BRIP1: variants seen among roughly 807,000 people sequenced by gnomAD.
The protein encoded by BRIP1 is Fanconi anemia group J protein.
BRIP1 carries 88 observed loss-of-function variants against 119.7 expected under a neutral mutation model. That is an observed-to-expected ratio of 0.74 (90% CI 0.62 to 0.88). The LOEUF is 0.88. Ranked by LOEUF, BRIP1 falls within the 40% of genes least tolerant of loss-of-function variation. The pLI is 0.00. For synonymous variants in BRIP1, 443 were observed against 496.5 expected (o/e 0.89, Z 1.43); for missense variants, 1,259 against 1,455.4 (o/e 0.87, Z 2.20).
In BRIP1 at chr17:61,713,636, C is replaced by T. The variant is rs543059736; in HGVS notation, c.2492+2315G>A. The stretch of plus-strand genomic sequence containing the variant: ...TCCCGGGTTCAAGTAATTCTCCTGC[C>T]CCAGCCTCCCAAGTAGCTGGGATTA... On this transcript the variant is annotated intron_variant, in intron 17 of 19. Transcript: ENST00000259008. This position sits in a 1 kb window ranked among gnomAD's most constrained non-coding sequence, Gnocchi z 4.9. Among the ~76,000 whole-genome samples the T allele has an allele frequency of 6.2e-4, 94 of 151,904 alleles. No individual in the cohort carries two copies. The highest frequency in any genetic ancestry group is 4.6e-3 in the South Asian group (22 of 4,800).
In BRIP1 at chr17:61,727,196, C is replaced by T. The variant is rs562108544; in HGVS notation, c.2380-11133G>A. Reference sequence around the variant, plus strand: ...TTGGATGCCAGAAGATGTAATATGACGCATAATGGCACTCAGGGAATTATA... The same window carrying T: ...TTGGATGCCAGAAGATGTAATATGATGCATAATGGCACTCAGGGAATTATA... On this transcript the variant is annotated intron_variant, in intron 16 of 19. Coordinates refer to ENST00000259008, the MANE Select transcript of BRIP1 (RefSeq NM_032043.3). Among the ~76,000 whole-genome samples, 12 of 152,170 alleles carry T rather than the reference C, an allele frequency of 7.9e-5. No individual in the cohort carries two copies. The South Asian group carries it at 1.2e-3, about 16-fold the overall frequency.
rs2145425899 is a variant in BRIP1, at chr17:61,808,827, G to A, written c.628-70C>T. 6.9e-7 allele frequency: 1 copy of A among 1,450,916 alleles called. No individual in the cohort carries two copies. The highest frequency in any genetic ancestry group is 9.5e-7 in the Non-Finnish European group (1 of 1,048,036). 89.9% of individuals were successfully genotyped at this position (1,450,916 alleles called of 1,614,324 possible). On this transcript the variant is annotated intron_variant, in intron 6 of 19. Transcript: ENST00000259008. The surrounding 1 kb of genome is among the most constrained non-coding windows in gnomAD (Gnocchi z 4.1). Reference sequence around the variant, plus strand: ...AAAAAACGTTATCAAACCTCACATGGAATCAGAACCTGTAAGTAATGAATC... The same window carrying A: ...AAAAAACGTTATCAAACCTCACATGAAATCAGAACCTGTAAGTAATGAATC...
rs149361526 is a variant in BRIP1, at chr17:61,836,347, C to T, written c.627+10754G>A. ...CCCAGGCTGATCTCAAACTCCTGGG[C>T]TCAAGTGATCCACCTACCTCAGCCT... On this transcript the variant is annotated intron_variant, in intron 6 of 19. Transcript: ENST00000259008. 5.5e-3 allele frequency among the ~76,000 whole-genome samples: 830 copies of T among 152,174 alleles called. 5 individuals are homozygous for T. Among genetic ancestry groups the T allele is most frequent in the African/African-American group, 0.019 (785 of 41,526 alleles).
chr17:61,814,457 A>G lies in BRIP1; in HGVS notation c.628-5700T>C, dbSNP rs1456675299. On this transcript the variant is annotated intron_variant, in intron 6 of 19. Transcript: ENST00000259008. The surrounding 1 kb of genome is among the most constrained non-coding windows in gnomAD (Gnocchi z 4.9). ...AAACCAAGAACAGGCAAATCACAGAAGAGAAAAGCTGAAAGGCTAATAAAT... is the reference window on the plus strand; with the variant it reads ...AAACCAAGAACAGGCAAATCACAGAGGAGAAAAGCTGAAAGGCTAATAAAT... 6.6e-6 allele frequency among the ~76,000 whole-genome samples: 1 copy of G among 152,106 alleles called. No homozygotes were observed. Among genetic ancestry groups the G allele is most frequent in the Non-Finnish European group, 1.5e-5 (1 of 67,940 alleles).
Position 61,691,817 on chromosome 17 carries a change from G to A in BRIP1, c.2575+1613C>T, listed in dbSNP as rs937327742. On this transcript the variant is annotated intron_variant, in intron 18 of 19. Transcript: ENST00000259008. The surrounding 1 kb of genome is among the most constrained non-coding windows in gnomAD (Gnocchi z 5.0). ...TAGGCAAAAGAACCTTGAGAAAAAT[G>A]ATAAAAGCTGCAGGCATCATACCTC... Among the ~76,000 whole-genome samples, 1 of 152,102 alleles carries A rather than the reference G, an allele frequency of 6.6e-6. No homozygotes were observed. The highest frequency in any genetic ancestry group is 2.4e-5 in the African/African-American group (1 of 41,402).
intron 11 of BRIP1, 27 bp from the exon 12 acceptor site, chr17:61,781,032 G>A (rs749665655): frequency 6.2e-7 from 1 of 1,611,612 alleles, no homozygotes; most frequent in Non-Finnish European, 8.5e-7. Flanking sequence ...TGCTAATTAA[G>A]TGGCAAAACT....
chr17:61,783,056 C>T (rs1193540173), intron 11 of BRIP1, among the ~76,000 whole-genome samples: 2 of 152,088 alleles, frequency 1.3e-5, no homozygotes, highest in African/African-American at 4.8e-5. Context: ...CTTATATACA[C>T]CCAGAAGAAC....
rs1400612907 is a variant in BRIP1 at position 61,844,309 on chromosome 17, G to A, written c.627+2792C>T. 6.6e-6 allele frequency among the ~76,000 whole-genome samples: 1 copy of A among 152,154 alleles called. No individual in the cohort carries two copies. The highest frequency in any genetic ancestry group is 2.4e-5 in the African/African-American group (1 of 41,428). On this transcript the variant is annotated intron_variant, in intron 6 of 19. Transcript: ENST00000259008. The surrounding 1 kb of genome is among the most constrained non-coding windows in gnomAD (Gnocchi z 4.7). ...AACCAATAAAAACAAAACAAGCCAG[G>A]TGCAGTGATTCATGCCTATAATCCC...
Position 61,794,965 on chromosome 17 carries a change from A to G in BRIP1, c.1341-1236T>C, listed in dbSNP as rs1603340781. On this transcript the variant is annotated intron_variant, in intron 9 of 19. Coordinates refer to ENST00000259008, the MANE Select transcript of BRIP1 (RefSeq NM_032043.3). The surrounding 1 kb of genome is among the most constrained non-coding windows in gnomAD (Gnocchi z 4.3). ...TGTTTGAGGATCTGAAAGAAAGCCAATATGATTTGCAGCACAATGGGCAAA... is the reference window on the plus strand; with the variant it reads ...TGTTTGAGGATCTGAAAGAAAGCCAGTATGATTTGCAGCACAATGGGCAAA... Among the ~76,000 whole-genome samples the G allele has an allele frequency of 6.6e-6, 1 of 152,040 alleles. No homozygotes were observed. Among genetic ancestry groups the G allele is most frequent in the Non-Finnish European group, 1.5e-5 (1 of 68,000 alleles).
intron 6 of BRIP1, among the ~76,000 whole-genome samples, chr17:61,826,924 T>C (rs1185868304): frequency 1.3e-5 from 2 of 152,118 alleles, no homozygotes; most frequent in African/African-American, 4.8e-5. Flanking sequence ...TTACTGGGTA[T>C]ATACCCAAAG....
Position 61,857,296 on chromosome 17 carries a change from G to T in BRIP1, c.206-65C>A. 7.1e-7 allele frequency: 1 copy of T among 1,417,020 alleles called. No individual in the cohort carries two copies. The highest frequency in any genetic ancestry group is 9.6e-7 in the Non-Finnish European group (1 of 1,037,442). The allele number at this position is 1,417,020 out of a possible 1,614,324, so 87.8% of individuals were successfully genotyped here. A position where few individuals can be genotyped will look rare whatever the true frequency, so the allele number is the denominator to read the frequency against. On this transcript the variant is annotated intron_variant, in intron 3 of 19. Coordinates refer to ENST00000259008, the MANE Select transcript of BRIP1 (RefSeq NM_032043.3). The surrounding 1 kb of genome is among the most constrained non-coding windows in gnomAD (Gnocchi z 5.1). ...AAATAAACATCAATCATTCTCTACA[G>T]CCCAGTTCACCCAGGATTGGGAGGT...
chr17:61,859,615 A>C lies in BRIP1; in HGVS notation c.205+181T>G, dbSNP rs143960654. ...TATGTTCAATACTATTTTAGCATTA[A>C]TTAAACATATTTTGCTATATTGAAA... On this transcript the variant is annotated intron_variant, in intron 3 of 19. Transcript: ENST00000259008. Among the ~76,000 whole-genome samples the C allele has an allele frequency of 1.1e-4, 17 of 152,372 alleles. No individual in the cohort carries two copies. The East Asian group carries it at 3.3e-3, about 29-fold the overall frequency.
At position 61,682,446 on chromosome 17, in the gene BRIP1, T is replaced by C; in HGVS notation, c.*850A>G. 4.9e-6 allele frequency: 1 copy of C among 204,314 alleles called. No individual in the cohort carries two copies. The highest frequency in any genetic ancestry group is 1.0e-5 in the Non-Finnish European group (1 of 99,792). The allele number at this position is 204,314 out of a possible 1,614,324, so 12.7% of individuals were successfully genotyped here. A position where few individuals can be genotyped will look rare whatever the true frequency, so the allele number is the denominator to read the frequency against. ...TTGGCATTTTATATCTTTACGTCAA[T>C]TTGTTTATGACATGTTTGGTTTTAG... is the stretch of plus-strand genomic sequence containing the variant. On this transcript the variant is annotated 3_prime_UTR_variant, in exon 20 of 20. Coordinates refer to ENST00000259008, the MANE Select transcript of BRIP1 (RefSeq NM_032043.3). The surrounding 1 kb of genome is among the most constrained non-coding windows in gnomAD (Gnocchi z 4.9).
At chr17:61,721,267 C>CTTTTT (rs11326516) in intron 16 of BRIP1, among the ~76,000 whole-genome samples, 5 of 114,176 alleles carry the variant, frequency 4.4e-5, no homozygotes, top group South Asian at 2.9e-4. Context: ...AAAATCTAAG[C>CTTTTT]TTTTTTTTTT....
chr17:61,751,225 G>A lies in BRIP1; in HGVS notation c.2098-6634C>T, dbSNP rs981156167. ...AAGTGAAAAAAGCCACTGTATTTTT[G>A]TACACAAAGTACAAATATTATATGA... On this transcript the variant is annotated intron_variant, in intron 14 of 19. Coordinates refer to ENST00000259008, the MANE Select transcript of BRIP1 (RefSeq NM_032043.3). This position sits in a 1 kb window ranked among gnomAD's most constrained non-coding sequence, Gnocchi z 6.7. 2.6e-5 allele frequency among the ~76,000 whole-genome samples: 4 copies of A among 152,116 alleles called. No homozygotes were observed. Among genetic ancestry groups the A allele is most frequent in the African/African-American group, 9.7e-5 (4 of 41,406 alleles).
Position 61,810,097 on chromosome 17 carries a change from T to G in BRIP1, c.628-1340A>C, listed in dbSNP as rs973384780. ...AAACAGTCAGTCAAAGCAGATAAAGTTACAGCCATGCTGGAATTGTTACAT... is the reference window on the plus strand; with the variant it reads ...AAACAGTCAGTCAAAGCAGATAAAGGTACAGCCATGCTGGAATTGTTACAT... On this transcript the variant is annotated intron_variant, in intron 6 of 19. Transcript: ENST00000259008. This position sits in a 1 kb window ranked among gnomAD's most constrained non-coding sequence, Gnocchi z 4.7. 1.2e-4 allele frequency among the ~76,000 whole-genome samples: 19 copies of G among 152,332 alleles called. No individual in the cohort carries two copies. Among genetic ancestry groups the G allele is most frequent in the African/African-American group, 4.3e-4 (18 of 41,576 alleles).
Position 61,801,304 on chromosome 17 carries a change from G to A in BRIP1, c.1089C>T (p.Asp363=), listed in dbSNP as rs139701369. 2.2e-5 allele frequency: 35 copies of A among 1,613,888 alleles called. No homozygotes were observed. The African/African-American group carries it at 4.3e-4, about 20-fold the overall frequency. The change falls in exon 8 of 20, where the codon GAC becomes GAT. Residue 363 remains aspartate (D), a synonymous_variant. Coordinates refer to ENST00000259008, the MANE Select transcript of BRIP1 (RefSeq NM_032043.3). ...YTARELIQDA[D]IIFCPYNYLL... ...GATAGTTGTAGGGACAAAATATGAT[G>A]TCAGCATCTTGTATTAGTTCTCGGG...
rs1278425501 is a variant in BRIP1, at chr17:61,710,205, A to T, written c.2492+5746T>A. ...TTCTAAAAGTACAGTATTATATATC[A>T]ATACTATAAATACATGATTTTTATG... On this transcript the variant is annotated intron_variant, in intron 17 of 19. Transcript: ENST00000259008. The surrounding 1 kb of genome is among the most constrained non-coding windows in gnomAD (Gnocchi z 5.4). 6.6e-6 allele frequency among the ~76,000 whole-genome samples: 1 copy of T among 152,168 alleles called. No individual in the cohort carries two copies. The highest frequency in any genetic ancestry group is 1.5e-5 in the Non-Finnish European group (1 of 68,032).
chr17:61,840,421 T>A (rs2078641936), intron 6 of BRIP1, among the ~76,000 whole-genome samples: 1 of 151,498 alleles, frequency 6.6e-6, no homozygotes, highest in African/African-American at 2.4e-5. Flanking sequence ...CCTCAAAATT[T>A]ATAATGTTGA....
Sources: gnomAD v4.1 joint callset for allele counts (sites outside exome capture counted in the v4.1 genomes callset) on GRCh38, gnomAD v4.1.1 for gene constraint, Gnocchi (gnomAD v3.1) non-coding constraint, MANE v1.5 for transcripts, NCBI Gene and HGNC (gene_info 2026-07-23, HGNC 2026-07-21) for gene names.